The following PDGFD variants were observed in gnomAD, a reference collection of about 807,000 sequenced individuals.
PDGFD encodes platelet derived growth factor D.
PDGFD carries 30 observed loss-of-function variants against 44.7 expected under a neutral mutation model. That is an observed-to-expected ratio of 0.67 (90% confidence interval 0.50 to 0.91). The LOEUF (loss-of-function observed/expected upper bound fraction) is 0.91, where lower values mean the gene tolerates loss of function less well. Ranked by LOEUF, PDGFD falls within the 40% of genes least tolerant of loss-of-function variation. The pLI is 0.00. For synonymous variants in PDGFD, 173 were observed against 168.4 expected, an observed-to-expected ratio of 1.03 and a Z score of -0.21; for missense variants, 445 against 457.8, an observed-to-expected ratio of 0.97 and a Z score of 0.25.
At chr11:104,082,133 C>CATATATATATATATATATATATAT (rs981551524) in intron 1 of PDGFD, among the ~76,000 whole-genome samples, 5,916 of 116,476 alleles carry the variant, frequency 0.051, 647 homozygotes, top group African/African-American at 0.097. Context: ...CATATACATA[C>CATATATATATATATATATATATAT]ATACATATAT....
intron 5 of PDGFD, among the ~76,000 whole-genome samples, chr11:103,930,557 A>G (rs926576236): frequency 7.6e-4 from 115 of 152,206 alleles, no homozygotes; most frequent in African/African-American, 2.7e-3. Flanking sequence ...TTAAGAAAAA[A>G]AAAAAAAAAA....
chr11:104,054,571 G>A (rs778568770), intron 1 of PDGFD, among the ~76,000 whole-genome samples: 30 of 152,268 alleles, frequency 2.0e-4, no homozygotes, highest in Non-Finnish European at 4.0e-4. Context: ...TTAGCATCAC[G>A]TCGGCAAAGC....
chr11:104,144,073 C>T (rs1862125207), intron 1 of PDGFD, among the ~76,000 whole-genome samples: 1 of 152,116 alleles, frequency 6.6e-6, no homozygotes. Context: ...AGTGAACAGG[C>T]TGAAAACTTG....
chr11:104,086,020 C>T (rs931142075), intron 1 of PDGFD, among the ~76,000 whole-genome samples: 1 of 152,104 alleles, frequency 6.6e-6, no homozygotes, highest in Non-Finnish European at 1.5e-5. Context: ...GAATTTTAAG[C>T]CGAAAGTGAC....
At chr11:104,047,019 C>A (rs1860452511) in intron 1 of PDGFD, among the ~76,000 whole-genome samples, 2 of 146,812 alleles carry the variant, frequency 1.4e-5, no homozygotes, top group African/African-American at 5.0e-5. Flanking sequence ...TGATAGTTTG[C>A]TAAGAATGAT....
At chr11:103,935,580 G>A (rs1184123543) in intron 5 of PDGFD, among the ~76,000 whole-genome samples, 1 of 152,172 alleles carries the variant, frequency 6.6e-6, no homozygotes, top group Admixed American at 6.6e-5. Context: ...AACTTTTAAT[G>A]AGTACACTGA....
At chr11:104,079,388 T>C (rs568379449) in intron 1 of PDGFD, among the ~76,000 whole-genome samples, 1 of 150,002 alleles carries the variant, frequency 6.7e-6, no homozygotes, top group East Asian at 1.9e-4. Context: ...TCTTTTCTTT[T>C]CTTTCTTTTT....
chr11:103,936,931 A>C (rs549590838), intron 5 of PDGFD, among the ~76,000 whole-genome samples: 1 of 151,738 alleles, frequency 6.6e-6, no homozygotes, highest in Non-Finnish European at 1.5e-5. Flanking sequence ...GGCTCAAGTG[A>C]TCCTCCCACC....
intron 6 of PDGFD, among the ~76,000 whole-genome samples, chr11:103,911,274 ATG>A (rs565386120): frequency 1.8e-3 from 277 of 152,306 alleles, no homozygotes; most frequent in African/African-American, 6.5e-3. Context: ...CCTGACCCCC[ATG>A]TATCCTGACT....
intron 1 of PDGFD, among the ~76,000 whole-genome samples, chr11:104,161,635 T>C (rs1862389255): frequency 6.6e-6 from 1 of 152,200 alleles, no homozygotes; most frequent in African/African-American, 2.4e-5. Context: ...ACCACAGAAA[T>C]GTATATCTAT....
chr11:103,933,616 G>A (rs962395616), intron 5 of PDGFD, among the ~76,000 whole-genome samples: 1 of 152,192 alleles, frequency 6.6e-6, no homozygotes, highest in South Asian at 2.1e-4. Flanking sequence ...AGGTTTAGAA[G>A]CATTGTGAAG....
At chr11:104,087,030 T>C (rs945377142) in intron 1 of PDGFD, among the ~76,000 whole-genome samples, 3 of 118,474 alleles carry the variant, frequency 2.5e-5, no homozygotes, top group African/African-American at 1.0e-4. Flanking sequence ...TCTTTTTTTT[T>C]TTTTTTTTTT....
intron 3 of PDGFD, among the ~76,000 whole-genome samples, chr11:103,950,782 G>C (rs1858744433): frequency 6.6e-6 from 1 of 152,072 alleles, no homozygotes; most frequent in Non-Finnish European, 1.5e-5. Flanking sequence ...TTCCAAAAGG[G>C]GAATCAACAG....
chr11:104,084,810 T>TATTATAAAATATATATTTTATAAGC (rs1455683783), intron 1 of PDGFD, among the ~76,000 whole-genome samples: 7 of 145,000 alleles, frequency 4.8e-5, no homozygotes, highest in Non-Finnish European at 1.1e-4. Flanking sequence ...ATTTTATAAG[T>TATTATAAAATATATATTTTATAAGC]ATTATAAAAT....
chr11:104,083,766 G>C (rs1212600847), intron 1 of PDGFD, among the ~76,000 whole-genome samples: 1 of 152,186 alleles, frequency 6.6e-6, no homozygotes, highest in Non-Finnish European at 1.5e-5. Context: ...TAATGTATTT[G>C]CTGATATATT....
At chr11:104,024,784 A>T (rs201750975) in intron 1 of PDGFD, among the ~76,000 whole-genome samples, 3 of 152,340 alleles carry the variant, frequency 2.0e-5, no homozygotes, top group East Asian at 3.9e-4. Flanking sequence ...AGATAGATAC[A>T]TAGGTCTCTG....
chr11:103,927,534 T>G (rs1858338561), intron 5 of PDGFD, among the ~76,000 whole-genome samples: 1 of 151,914 alleles, frequency 6.6e-6, no homozygotes, highest in African/African-American at 2.4e-5. Flanking sequence ...CACTTAAATA[T>G]AATTTAAATT....
intron 1 of PDGFD, among the ~76,000 whole-genome samples, chr11:104,152,698 A>G (rs536757729): frequency 6.6e-6 from 1 of 152,204 alleles, no homozygotes; most frequent in East Asian, 1.9e-4. Flanking sequence ...AAGACAATTG[A>G]AAATTCTCCA....
chr11:104,118,785 T>TATAAATATTAATATATA, intron 1 of PDGFD, among the ~76,000 whole-genome samples: 1 of 111,692 alleles, frequency 9.0e-6, no homozygotes, highest in Non-Finnish European at 1.7e-5. Context: ...TATAATATAT[T>TATAAATATTAATATATA]ATATATTATA....
Sources: gnomAD v4.1 joint callset for allele counts (sites outside exome capture counted in the v4.1 genomes callset) on GRCh38, gnomAD v4.1.1 for gene constraint, MANE v1.5 for transcripts, NCBI Gene and HGNC (gene_info 2026-07-23, HGNC 2026-07-21) for gene names.